BFSP2: variants seen among roughly 807,000 people sequenced by gnomAD.
The protein encoded by BFSP2 is phakinin.
BFSP2 carries 38 observed loss-of-function variants against 44.9 expected under a neutral mutation model. The observed-to-expected ratio is 0.85, with a 90% CI of 0.65 to 1.11. The LOEUF is 1.11. Ranked by LOEUF, BFSP2 falls within the 50% of genes least tolerant of loss-of-function variation. BFSP2 has a pLI of 0.00. For missense variants in BFSP2, 525 were observed against 533.0 expected, an observed-to-expected ratio of 0.99 and a Z score of 0.15; for synonymous variants, 197 against 209.9, an observed-to-expected ratio of 0.94 and a Z score of 0.53.
rs1405354222 is a variant in BFSP2, at chr3:133,419,747, CT to C, written c.489+19178del. Among the ~76,000 whole-genome samples, 5 of 152,364 alleles carry C rather than the reference CT, an allele frequency of 3.3e-5. No individual in the cohort carries two copies. The East Asian group carries it at 5.8e-4, about 18-fold the overall frequency. Reference sequence around the variant, plus strand: ...GAACTGAGACTTGCAAGTTTAATAGCTTTGCTGCTGGGGAATAGCACAGCCC... The same window carrying C: ...GAACTGAGACTTGCAAGTTTAATAGCTTGCTGCTGGGGAATAGCACAGCCC... On this transcript the variant is annotated intron_variant, in intron 1 of 6. Coordinates refer to ENST00000302334, the MANE Select transcript of BFSP2 (RefSeq NM_003571.4).
chr3:133,470,840 A>G (rs1033477971), intron 5 of BFSP2, among the ~76,000 whole-genome samples: 1 of 152,160 alleles, frequency 6.6e-6, no homozygotes, highest in Non-Finnish European at 1.5e-5. Context: ...GAGCTTGGGG[A>G]GCCATGGAAA....
intron 4 of BFSP2, among the ~76,000 whole-genome samples, chr3:133,460,685 C>T (rs780027648): frequency 6.6e-5 from 10 of 152,228 alleles, no homozygotes; most frequent in Non-Finnish European, 1.3e-4. Flanking sequence ...CGTCTGTGCC[C>T]TCCTTGTGGG....
chr3:133,449,654 G>T (rs1306692100), intron 3 of BFSP2, among the ~76,000 whole-genome samples: 2 of 151,980 alleles, frequency 1.3e-5, no homozygotes, highest in South Asian at 4.2e-4. Context: ...CAAGGCAGGG[G>T]ATCACTTGAG....
At chr3:133,458,511 T>C (rs950187542) in intron 4 of BFSP2, among the ~76,000 whole-genome samples, 14 of 152,012 alleles carry the variant, frequency 9.2e-5, no homozygotes, top group Admixed American at 6.5e-4. Context: ...CTGGCCAACA[T>C]GGTGAAACCA....
chr3:133,411,916 G>A (rs375486193), intron 1 of BFSP2, among the ~76,000 whole-genome samples: 2 of 152,138 alleles, frequency 1.3e-5, no homozygotes, highest in South Asian at 2.1e-4. Flanking sequence ...ATCAAAATGG[G>A]CTTTATTTGG....
chr3:133,415,389 C>T (rs1346401784), intron 1 of BFSP2, among the ~76,000 whole-genome samples: 8 of 45,854 alleles, frequency 1.7e-4, no homozygotes, highest in African/African-American at 2.4e-4. Flanking sequence ...CTCTCCCCTC[C>T]ACAAACCCCT....
intron 1 of BFSP2, among the ~76,000 whole-genome samples, chr3:133,425,849 GA>G (rs2073643740): frequency 8.4e-6 from 1 of 118,664 alleles, no homozygotes; most frequent in African/African-American, 3.9e-5. Context: ...ATAAAGAAGG[GA>G]AAGGAAGGGA....
At chr3:133,420,319 G>A (rs2073581275) in intron 1 of BFSP2, among the ~76,000 whole-genome samples, 1 of 152,162 alleles carries the variant, frequency 6.6e-6, no homozygotes, top group African/African-American at 2.4e-5. Context: ...GATGATTGGG[G>A]ATCTTAATAA....
intron 1 of BFSP2, 102 bp from the exon 2 acceptor site, chr3:133,447,215 C>T: frequency 8.3e-7 from 1 of 1,205,350 alleles, no homozygotes; most frequent in South Asian, 1.3e-5. Context: ...GAAAGGTTCT[C>T]TGAGGTCCCC....
chr3:133,423,236 C>A (rs1165719887), intron 1 of BFSP2, among the ~76,000 whole-genome samples: 1 of 151,892 alleles, frequency 6.6e-6, no homozygotes, highest in Non-Finnish European at 1.5e-5. Flanking sequence ...ATGGTGCAAG[C>A]CGTAAAGTGC....
Position 133,472,554 on chromosome 3 carries a change from G to A in BFSP2, c.1233G>A (p.Arg411=). Residue 411 remains arginine (R), a synonymous_variant, in exon 6 of 7, where the codon AGG becomes AGA. Coordinates refer to ENST00000302334, the MANE Select transcript of BFSP2 (RefSeq NM_003571.4). ...DVASYHALLD[R]EESG ...CGTCCTACCACGCCCTGCTGGACAG[G>A]GAGGAGAGCGGGTAAGCCTCGCTTC... The A allele has an allele frequency of 6.2e-7, 1 of 1,612,006 alleles. No homozygotes were observed.
intron 1 of BFSP2, among the ~76,000 whole-genome samples, chr3:133,445,226 G>C (rs750771341): frequency 5.9e-5 from 9 of 152,208 alleles, no homozygotes; most frequent in Non-Finnish European, 8.8e-5. Context: ...GGGAGGTAGT[G>C]AAACAAGTTG....
In BFSP2 at chr3:133,449,982, A is replaced by AAAGGAAGGAAGGAAGGAAGG. The variant is rs71136469; in HGVS notation, c.730-303_730-284dup. 0.023 allele frequency among the ~76,000 whole-genome samples: 2,025 copies of AAAGGAAGGAAGGAAGGAAGG among 86,338 alleles called. 78 individuals are homozygous for AAAGGAAGGAAGGAAGGAAGG. The highest frequency in any genetic ancestry group is 0.068 in the Admixed American group (565 of 8,368). 56.6% of individuals were successfully genotyped at this position (86,338 alleles called of 152,430 possible). A position where few individuals can be genotyped will look rare whatever the true frequency, so the allele number is the denominator to read the frequency against. On this transcript the variant is annotated intron_variant, in intron 3 of 6. Coordinates refer to ENST00000302334, the MANE Select transcript of BFSP2 (RefSeq NM_003571.4). ...GAGAAAGAGAAAGAAGGAAAGAAGG[A>AAAGGAAGGAAGGAAGGAAGG]AAGGAAGGAAGGAAGGAAGGAAGGA...
At chr3:133,414,714 C>CATCTCCCCT (rs2073494393) in intron 1 of BFSP2, among the ~76,000 whole-genome samples, 1 of 139,944 alleles carries the variant, frequency 7.1e-6, no homozygotes, top group Admixed American at 7.1e-5. Context: ...TCACCACTGC[C>CATCTCCCCT]CTATCCCCTC....
At chr3:133,449,493 T>C (rs956601790) in intron 3 of BFSP2, among the ~76,000 whole-genome samples, 1 of 92,036 alleles carries the variant, frequency 1.1e-5, no homozygotes, top group African/African-American at 3.3e-5. Flanking sequence ...TATGTATACA[T>C]GTGGTTTTTT....
At chr3:133,422,854 G>A (rs1682094641) in intron 1 of BFSP2, among the ~76,000 whole-genome samples, 2 of 152,032 alleles carry the variant, frequency 1.3e-5, no homozygotes, top group South Asian at 2.1e-4. Context: ...CAAAGCCAAC[G>A]CCTCACCCAA....
chr3:133,416,805 T>C (rs1400371476), intron 1 of BFSP2, among the ~76,000 whole-genome samples: 153 of 79,938 alleles, frequency 1.9e-3, no homozygotes, highest in Middle Eastern at 0.026. Context: ...GCCCTCTCCC[T>C]TCTATTCACC....
intron 1 of BFSP2, among the ~76,000 whole-genome samples, chr3:133,420,320 A>G (rs1420852901): frequency 1.3e-5 from 2 of 152,070 alleles, no homozygotes; most frequent in Admixed American, 6.5e-5. Flanking sequence ...ATGATTGGGG[A>G]TCTTAATAAT....
chr3:133,437,868 C>T (rs775603517), intron 1 of BFSP2, among the ~76,000 whole-genome samples: 36 of 152,288 alleles, frequency 2.4e-4, no homozygotes, highest in Non-Finnish European at 4.1e-4. Flanking sequence ...ATTTGGCTAC[C>T]CGCCCATAGC....
Sources: allele counts gnomAD v4.1 joint callset (sites outside exome capture counted in the v4.1 genomes callset), GRCh38; gene constraint gnomAD v4.1.1; transcripts MANE v1.5; gene names NCBI Gene and HGNC (gene_info 2026-07-23, HGNC 2026-07-21).